Variants in PDE11A observed in about 807,000 individuals in gnomAD.
The protein encoded by PDE11A is phosphodiesterase 11A.
A neutral mutation model predicts 100.5 loss-of-function variants in PDE11A; 100 were observed. The observed-to-expected ratio is 1.00, with a 90% CI of 0.85 to 1.18. PDE11A has a LOEUF of 1.18. Among genes scored for constraint, PDE11A ranks in the 50% most tolerant of loss-of-function variants. The probability of loss-of-function intolerance (pLI) is 0.00; values close to 1 mark genes in which losing one functional copy is unlikely to be tolerated. For synonymous variants in PDE11A, 381 were observed against 420.8 expected, an observed-to-expected ratio of 0.91 and a Z score of 1.16; for missense variants, 1,141 against 1,152.6, an observed-to-expected ratio of 0.99 and a Z score of 0.15.
In PDE11A at chr2:177,890,287, G is replaced by A. The variant is rs554525226; in HGVS notation, c.1302+7771C>T. Among the ~76,000 whole-genome samples the A allele has an allele frequency of 5.9e-5, 9 of 152,248 alleles. No homozygotes were observed. The East Asian group carries it at 9.6e-4, about 16-fold the overall frequency. ...GCCTTGTTTCCAGGATGACTTGTCT[G>A]CAACTTTCCTTGTTCCACTCACCCT... On this transcript the variant is annotated intron_variant, in intron 4 of 19. Coordinates refer to ENST00000286063, the MANE Select transcript of PDE11A (RefSeq NM_016953.4).
chr2:177,650,165 T>C (rs1257825268), intron 19 of PDE11A, among the ~76,000 whole-genome samples: 3 of 152,192 alleles, frequency 2.0e-5, no homozygotes, highest in East Asian at 1.9e-4. Flanking sequence ...TCCTCAGCAT[T>C]TCCTCTGAAA....
At chr2:178,022,989 T>A (rs2086432665) in intron 1 of PDE11A, among the ~76,000 whole-genome samples, 1 of 152,224 alleles carries the variant, frequency 6.6e-6, no homozygotes, top group Non-Finnish European at 1.5e-5. Context: ...TGCAGATCTG[T>A]CTTTTGTATA....
At chr2:177,956,422 A>G (rs1020349974) in intron 2 of PDE11A, among the ~76,000 whole-genome samples, 97 of 152,290 alleles carry the variant, frequency 6.4e-4, no homozygotes, top group African/African-American at 2.1e-3. Context: ...AGGTGCTGGA[A>G]AGGATGTGGA....
chr2:178,018,474 ACTTAACACCTTAAAAAGTAATT>A (rs1009650559), intron 1 of PDE11A: 3 of 509,016 alleles, frequency 5.9e-6, no homozygotes, highest in East Asian at 5.5e-5. Flanking sequence ...GACCTTTTAG[ACTTAACACCTTAAAAAGTAATT>A]CTTAACACCT....
chr2:178,050,324 A>G (rs1359873560), intron 1 of PDE11A, among the ~76,000 whole-genome samples: 1 of 152,246 alleles, frequency 6.6e-6, no homozygotes, highest in Non-Finnish European at 1.5e-5. Flanking sequence ...AACAGAAAGG[A>G]CATCCACACC....
chr2:178,080,966 G>A (rs1415971777), intron 2 of PDE11A, among the ~76,000 whole-genome samples: 1 of 152,036 alleles, frequency 6.6e-6, no homozygotes, highest in African/African-American at 2.4e-5. Context: ...CATTTATAAT[G>A]TTTTAATGTC....
intron 2 of PDE11A, among the ~76,000 whole-genome samples, chr2:177,977,313 C>T (rs1052500148): frequency 6.8e-6 from 1 of 146,682 alleles, no homozygotes; most frequent in Admixed American, 6.8e-5. Context: ...AACAGAGAGC[C>T]AAATCATGGG....
At chr2:177,913,924 C>T (rs1015335599) in intron 2 of PDE11A, among the ~76,000 whole-genome samples, 1 of 152,028 alleles carries the variant, frequency 6.6e-6, no homozygotes, top group African/African-American at 2.4e-5. Context: ...AACATATGCT[C>T]AAAAAATCTT....
chr2:177,715,844 C>A (rs911017093), intron 12 of PDE11A, among the ~76,000 whole-genome samples: 1 of 152,128 alleles, frequency 6.6e-6, no homozygotes, highest in African/African-American at 2.4e-5. Flanking sequence ...GTCTGGTAAC[C>A]TTTGGTGGTC....
At chr2:177,694,231 C>T (rs932509989) in intron 15 of PDE11A, among the ~76,000 whole-genome samples, 3 of 152,152 alleles carry the variant, frequency 2.0e-5, no homozygotes, top group Non-Finnish European at 4.4e-5. Flanking sequence ...TCGTCAAATC[C>T]CTAACAGAGC....
intron 5 of PDE11A, among the ~76,000 whole-genome samples, chr2:177,840,907 T>C (rs2083481477): frequency 6.6e-6 from 1 of 152,234 alleles, no homozygotes; most frequent in Non-Finnish European, 1.5e-5. Flanking sequence ...TTAGTCATTA[T>C]TTTGATAACA....
rs539132030 is a variant in PDE11A at position 177,773,523 on chromosome 2, C to T, written c.1738-4150G>A. Among the ~76,000 whole-genome samples, 3 of 152,220 alleles carry T rather than the reference C, an allele frequency of 2.0e-5. No individual in the cohort carries two copies. The South Asian group carries it at 6.2e-4, about 32-fold the overall frequency. Reference sequence around the variant, plus strand: ...AAATTTCATGGGCCACATCTTAGACCTAAAGCTTTTTTGGATTGTATCCTG... The same window carrying T: ...AAATTTCATGGGCCACATCTTAGACTTAAAGCTTTTTTGGATTGTATCCTG... On this transcript the variant is annotated intron_variant, in intron 9 of 19. Transcript: ENST00000286063.
chr2:177,742,722 T>C (rs527787024), intron 10 of PDE11A, among the ~76,000 whole-genome samples: 10 of 152,286 alleles, frequency 6.6e-5, no homozygotes, highest in African/African-American at 1.2e-4. Flanking sequence ...CTAAATTCAA[T>C]GGACAGATGT....
intron 12 of PDE11A, 94 bp from the exon 13 acceptor site, chr2:177,711,972 C>T: frequency 1.4e-6 from 1 of 699,358 alleles, no homozygotes; most frequent in Non-Finnish European, 2.6e-6. Context: ...GTTTTCATAC[C>T]CACATCATTT....
chr2:177,734,098 T>G (rs917335895), intron 10 of PDE11A, among the ~76,000 whole-genome samples: 2 of 152,226 alleles, frequency 1.3e-5, no homozygotes, highest in African/African-American at 4.8e-5. Context: ...AGTTTGGGAT[T>G]TATATCCAGA....
chr2:177,785,667 C>T (rs569449082), intron 9 of PDE11A, among the ~76,000 whole-genome samples: 2 of 152,276 alleles, frequency 1.3e-5, no homozygotes, highest in East Asian at 1.9e-4. Context: ...CCTGGAAAAT[C>T]GGGTCACTCC....
At chr2:177,958,062 T>C (rs1166413071) in intron 2 of PDE11A, among the ~76,000 whole-genome samples, 1 of 152,040 alleles carries the variant, frequency 6.6e-6, no homozygotes, top group Non-Finnish European at 1.5e-5. Flanking sequence ...TGCTAATTTT[T>C]GTATTTTTAG....
At chr2:177,961,865 A>G (rs1280409023) in intron 2 of PDE11A, among the ~76,000 whole-genome samples, 1 of 151,980 alleles carries the variant, frequency 6.6e-6, no homozygotes, top group Non-Finnish European at 1.5e-5. Flanking sequence ...GTTCAAGACC[A>G]GCCTGGCCAA....
At chr2:177,870,511 C>T (rs952005360) in intron 5 of PDE11A, among the ~76,000 whole-genome samples, 2 of 152,162 alleles carry the variant, frequency 1.3e-5, no homozygotes, top group Admixed American at 1.3e-4. Context: ...AGTAAGATAC[C>T]ATTCTGACTT....
Sources: allele counts gnomAD v4.1 joint callset (sites outside exome capture counted in the v4.1 genomes callset), GRCh38; gene constraint gnomAD v4.1.1; transcripts MANE v1.5; gene names NCBI Gene and HGNC (gene_info 2026-07-23, HGNC 2026-07-21).